The following MYB variants were observed in gnomAD, a reference collection of about 807,000 sequenced individuals.
MYB encodes the protein MYB proto-oncogene, transcription factor, also known as transcriptional activator Myb.
A neutral mutation model predicts 92.9 loss-of-function variants in MYB; 28 were observed. The observed-to-expected ratio is 0.30, with a 90% CI of 0.22 to 0.41. The LOEUF is 0.41. MYB is among the 10% of genes least tolerant of loss of function. The probability of loss-of-function intolerance (pLI) is 1.00; values close to 1 mark genes in which losing one functional copy is unlikely to be tolerated. For synonymous variants in MYB, 295 were observed against 329.1 expected (o/e 0.90, Z 1.12); for missense variants, 679 against 929.3 (o/e 0.73, Z 3.50).
At chr6:135,186,058 G>C (rs1193148925) in intron 2 of MYB, 38 bp downstream of exon 2, 4 of 1,570,480 alleles carry the variant, frequency 2.5e-6, no homozygotes, top group African/African-American at 2.7e-5. Flanking sequence ...AAAATAGATA[G>C]AGTGTATAAT....
intron 15 of MYB, among the ~76,000 whole-genome samples, chr6:135,217,602 A>G (rs1780631388): frequency 6.6e-6 from 1 of 152,196 alleles, no homozygotes; most frequent in Non-Finnish European, 1.5e-5. Context: ...ATTGCCTAAT[A>G]GACGGAAGGC....
Position 135,218,006 on chromosome 6 carries a change from T to C in MYB, c.*26T>C. Reference sequence around the variant, plus strand: ...GACATTTCCAGAAAAGCATTATGGTTTTCAGAACACTTCAAGTTGACTTGG... The same window carrying C: ...GACATTTCCAGAAAAGCATTATGGTCTTCAGAACACTTCAAGTTGACTTGG... On this transcript the variant is annotated 3_prime_UTR_variant, in exon 16 of 16. Coordinates refer to ENST00000341911, the MANE Select transcript of MYB (RefSeq NM_001130173.2). 1 of 1,517,654 alleles carries C rather than the reference T, an allele frequency of 6.6e-7. No individual in the cohort carries two copies. The highest frequency in any genetic ancestry group is 2.3e-5 in the East Asian group (1 of 44,370). The allele number at this position is 1,517,654 out of a possible 1,614,324, so 94.0% of individuals were successfully genotyped here.
Position 135,196,981 on chromosome 6 carries a change from T to G in MYB, c.1224T>G (p.Asp408Glu). ...TTCAGGATTCTTCATCATGGTGTGATCTCAGCAGTTTTGAATTCTTTGAAG... is the reference window on the plus strand; with the variant it reads ...TTCAGGATTCTTCATCATGGTGTGAGCTCAGCAGTTTTGAATTCTTTGAAG... ...FIDSDSSSWC[D>E]LSSFEFFEEA... Residue 408 changes from aspartate to glutamate, a missense_variant, in exon 10 of 16, where the codon GAT becomes GAG. Coordinates refer to ENST00000341911, the MANE Select transcript of MYB (RefSeq NM_001130173.2). The G allele has an allele frequency of 6.2e-7, 1 of 1,613,676 alleles. No individual in the cohort carries two copies. Among genetic ancestry groups the G allele is most frequent in the Non-Finnish European group, 8.5e-7 (1 of 1,179,748 alleles).
intron 11 of MYB, 87 bp from the exon 12 acceptor site, chr6:135,199,998 A>T: frequency 1.0e-6 from 1 of 999,440 alleles, no homozygotes; most frequent in Non-Finnish European, 1.6e-6. Context: ...TATTGTATTC[A>T]GTGGAAAAAT....
At chr6:135,196,907 A>G (rs1028010699) in intron 9 of MYB, 54 bp from the exon 10 acceptor site, 2 of 1,588,616 alleles carry the variant, frequency 1.3e-6, no homozygotes. Context: ...GTGCTGTTTC[A>G]GGTGATGATG....
At chr6:135,194,833 T>C in intron 8 of MYB, 1 of 1,039,504 alleles carries the variant, frequency 9.6e-7, no homozygotes, top group Non-Finnish European at 1.3e-6. Flanking sequence ...TTTGTTAACC[T>C]ATATTTTCAT....
rs1320330916 is a variant in MYB at position 135,186,685 on chromosome 6, T to A, written c.141+665T>A. Among the ~76,000 whole-genome samples the A allele has an allele frequency of 2.0e-5, 3 of 152,236 alleles. No homozygotes were observed. In the East Asian group the frequency reaches 5.8e-4, roughly 29 times the overall value. On this transcript the variant is annotated intron_variant, in intron 2 of 15. Coordinates refer to ENST00000341911, the MANE Select transcript of MYB (RefSeq NM_001130173.2). Reference sequence around the variant, plus strand: ...TAACAGAGCCATCTATATGAAGGTATGTTTTAAAATCATCCGATAATGGAT... The same window carrying A: ...TAACAGAGCCATCTATATGAAGGTAAGTTTTAAAATCATCCGATAATGGAT...
chr6:135,189,739 C>T, intron 3 of MYB, 52 bp from the exon 4 acceptor site: 2 of 1,485,474 alleles, frequency 1.3e-6, no homozygotes, highest in Non-Finnish European at 1.9e-6. Flanking sequence ...ACAAAAAATT[C>T]ACGTGCTTAT....
At chr6:135,211,727 A>G (rs537953469) in intron 15 of MYB, among the ~76,000 whole-genome samples, 7 of 152,216 alleles carry the variant, frequency 4.6e-5, no homozygotes, top group Non-Finnish European at 1.0e-4. Flanking sequence ...GGAAAGGTCC[A>G]TCCACATTTG....
At position 135,195,913 on chromosome 6, in the gene MYB, G is replaced by A. The variant is rs967109190; in HGVS notation, c.1114G>A (p.Ala372Thr). The change falls in exon 9 of 16, where the codon GCA becomes ACA. Residue 372 changes from alanine (A) to threonine (T), a missense_variant. Physicochemically the swap from Ala to Thr is moderately conservative, Grantham distance 58 (BLOSUM62 0). Coordinates refer to ENST00000341911, the MANE Select transcript of MYB (RefSeq NM_001130173.2). ...CCTACCTGAAGAAAGCGCCTCGCCA[G>A]CAAGGTGCATGATCGTCCACCAGGG... is the stretch of plus-strand genomic sequence containing the variant. ...GSLPEESASPARCMIVHQGTI... is the reference protein window; with the variant it reads ...GSLPEESASPTRCMIVHQGTI... 1 of 1,614,068 alleles carries A rather than the reference G, an allele frequency of 6.2e-7. No individual in the cohort carries two copies. The highest frequency in any genetic ancestry group is 1.3e-5 in the African/African-American group (1 of 74,936).
intron 9 of MYB, chr6:135,196,712 T>C (rs2128297335): frequency 6.8e-7 from 1 of 1,469,560 alleles, no homozygotes; most frequent in Middle Eastern, 1.8e-4. Flanking sequence ...CATTTTGCTT[T>C]CCATTGCATG....
Position 135,195,863 on chromosome 6 carries a change from C to T in MYB, c.1064C>T (p.Pro355Leu), listed in dbSNP as rs758263932. Reference sequence around the variant, plus strand: ...TGTTTGGGAGAACACCACTCCACTCCATCTCTGCCAGCGGATCCTGGCTCC... The same window carrying T: ...TGTTTGGGAGAACACCACTCCACTCTATCTCTGCCAGCGGATCCTGGCTCC... The part of the protein sequence containing the change: ...VSCLGEHHST[P>L]SLPADPGSLP... Residue 355 changes from proline (P) to leucine (L), a missense_variant, in exon 9 of 16, where the codon CCA (proline) becomes CTA (leucine). Physicochemically the swap from Pro to Leu is moderately conservative, Grantham distance 98. Transcript: ENST00000341911. 21 of 1,614,052 alleles carry T rather than the reference C, an allele frequency of 1.3e-5. No individual in the cohort carries two copies. The highest frequency in any genetic ancestry group is 1.7e-5 in the Admixed American group (1 of 60,006).
At chr6:135,187,785 G>C (rs1776118018) in intron 2 of MYB, 49 bp from the exon 3 acceptor site, 1 of 1,330,990 alleles carries the variant, frequency 7.5e-7, no homozygotes, top group Non-Finnish European at 1.1e-6. Context: ...CTTGAACAGA[G>C]TTATATAGTA....
At chr6:135,212,226 T>TC in intron 15 of MYB, among the ~76,000 whole-genome samples, 1 of 45,256 alleles carries the variant, frequency 2.2e-5, no homozygotes, top group Non-Finnish European at 4.0e-5. Flanking sequence ...TGGTTTTACT[T>TC]TTTTTTTTTT....
intron 8 of MYB, 22 bp from the exon 9 acceptor site, chr6:135,195,726 T>C (rs1315316459): frequency 1.2e-6 from 2 of 1,612,248 alleles, no homozygotes; most frequent in Admixed American, 1.7e-5. Flanking sequence ...TCTTTATTTC[T>C]ACACCCTTCC....
At chr6:135,186,877 A>T (rs1215388202) in intron 2 of MYB, among the ~76,000 whole-genome samples, 1 of 152,248 alleles carries the variant, frequency 6.6e-6, no homozygotes, top group East Asian at 1.9e-4. Flanking sequence ...ATGTTACAAT[A>T]AATGGTATTG....
At chr6:135,203,836 G>A (rs1457310344) in intron 15 of MYB, 3 of 1,258,058 alleles carry the variant, frequency 2.4e-6, no homozygotes, top group African/African-American at 1.6e-5. Flanking sequence ...TTGTGAGGCC[G>A]ATCTGAAGTT....
chr6:135,192,443 A>G lies in MYB; in HGVS notation c.647A>G (p.Lys216Arg), dbSNP rs950607758. 8.1e-6 allele frequency: 13 copies of G among 1,614,138 alleles called. No homozygotes were observed. Among genetic ancestry groups the G allele is most frequent in the Admixed American group, 6.7e-5 (4 of 60,008 alleles). ...CCAGCAGTGGCCACAAGCTTCCAGA[A>G]GAACAGTCATTTGATGGGTTTTGCT... ...SQPAVATSFQ[K>R]NSHLMGFAQA... Residue 216 changes from lysine to arginine, a missense_variant, in exon 6 of 16, where the codon AAG becomes AGG. Around this residue, in one of 8 missense-constraint regions of MYB, gnomAD observed 37 missense variants for 98.0 expected, o/e 0.38. Transcript: ENST00000341911.
Position 135,198,972 on chromosome 6 carries a change from C to T in MYB, c.1631C>T (p.Pro544Leu). Residue 544 changes from proline to leucine, a missense_variant, in exon 11 of 16, where the codon CCC becomes CTC. Around this residue, in one of 8 missense-constraint regions of MYB, gnomAD observed 402 missense variants for 434.2 expected, o/e 0.93. Transcript: ENST00000341911. ...GAAATGCCTTCTTTAACTTCCACCCCCCTCATTGGTCACAAATTGACTGTT... is the reference window on the plus strand; with the variant it reads ...GAAATGCCTTCTTTAACTTCCACCCTCCTCATTGGTCACAAATTGACTGTT... The part of the protein sequence containing the change: ...DLEMPSLTST[P>L]LIGHKLTVTT... The T allele has an allele frequency of 1.2e-6, 2 of 1,611,602 alleles. No individual in the cohort carries two copies. The highest frequency in any genetic ancestry group is 1.7e-6 in the Non-Finnish European group (2 of 1,177,992).
Sources: gnomAD v4.1 joint callset for allele counts (sites outside exome capture counted in the v4.1 genomes callset) on GRCh38, gnomAD v4.1.1 for gene constraint, gnomAD v4.1.1 regional missense constraint, MANE v1.5 for transcripts, NCBI Gene and HGNC (gene_info 2026-07-23, HGNC 2026-07-21) for gene names.